Variants in MPPED2 observed in about 807,000 individuals in gnomAD.
MPPED2 encodes metallophosphoesterase domain containing 2.
In MPPED2, 5 loss-of-function variants were observed where a neutral mutation model predicts 33.0. That is an observed-to-expected ratio of 0.15 (90% confidence interval 0.08 to 0.32). The LOEUF (loss-of-function observed/expected upper bound fraction) is 0.32, where lower values mean the gene tolerates loss of function less well. Among genes scored for constraint, MPPED2 ranks in the 10% least tolerant of loss-of-function variants. The probability of loss-of-function intolerance (pLI) is 1.00; values close to 1 mark genes in which losing one functional copy is unlikely to be tolerated. For missense variants in MPPED2, 275 were observed against 372.1 expected (o/e 0.74, Z 2.15); for synonymous variants, 136 against 141.9 (o/e 0.96, Z 0.29).
exon 7 of MPPED2, chr11:30,385,738 A>G (rs1590143846): frequency 6.6e-6 from 1 of 152,040 alleles, no homozygotes; most frequent in Admixed American, 6.5e-5. Context: ...AAAGCTCTGT[A>G]CCTGCTATAT....
chr11:30,473,290 C>A (rs1951031378), intron 4 of MPPED2, among the ~76,000 whole-genome samples: 1 of 152,168 alleles, frequency 6.6e-6, no homozygotes, highest in Non-Finnish European at 1.5e-5. Context: ...TTCTGTACCT[C>A]ACAATCAAAC....
At chr11:30,486,733 C>A (rs1951759477) in intron 4 of MPPED2, among the ~76,000 whole-genome samples, 1 of 152,146 alleles carries the variant, frequency 6.6e-6, no homozygotes, top group African/African-American at 2.4e-5. Flanking sequence ...CGATGCTCAC[C>A]TGAAGAGATG....
chr11:30,401,836 T>C (rs808156), intron 6 of MPPED2, among the ~76,000 whole-genome samples: 32,070 of 139,292 alleles, frequency 0.23, 5,386 homozygotes, highest in Non-Finnish European at 0.34. Context: ...AGGCACCCGC[T>C]ACCATGGCCA....
intron 3 of MPPED2, among the ~76,000 whole-genome samples, chr11:30,498,529 CAA>C (rs1447323439): frequency 7.2e-6 from 1 of 138,620 alleles, no homozygotes; most frequent in Non-Finnish European, 1.5e-5. Context: ...GCCTGGGTGA[CAA>C]GAGCAAAACT....
intron 6 of MPPED2, among the ~76,000 whole-genome samples, chr11:30,391,160 A>C (rs1446047460): frequency 6.6e-6 from 1 of 152,202 alleles, no homozygotes; most frequent in African/African-American, 2.4e-5. Flanking sequence ...CAAAGAAGCT[A>C]GGGAATTGAT....
intron 3 of MPPED2, among the ~76,000 whole-genome samples, chr11:30,532,402 C>G (rs751228510): frequency 1.3e-5 from 2 of 152,156 alleles, no homozygotes; most frequent in Non-Finnish European, 2.9e-5. Flanking sequence ...CATTTTGGTG[C>G]TCCCTCTTTA....
At chr11:30,394,184 T>C (rs930040573) in intron 6 of MPPED2, among the ~76,000 whole-genome samples, 1 of 152,212 alleles carries the variant, frequency 6.6e-6, no homozygotes, top group South Asian at 2.1e-4. Flanking sequence ...CTGAAGGATA[T>C]TTGGATTGTT....
At chr11:30,399,415 G>C (rs972511771) in intron 6 of MPPED2, among the ~76,000 whole-genome samples, 3 of 152,110 alleles carry the variant, frequency 2.0e-5, no homozygotes, top group African/African-American at 7.2e-5. Flanking sequence ...CAGAGAAATG[G>C]AATTCTTGAT....
chr11:30,464,560 G>A (rs1183245348), intron 4 of MPPED2, among the ~76,000 whole-genome samples: 1 of 152,034 alleles, frequency 6.6e-6, no homozygotes, highest in Non-Finnish European at 1.5e-5. Context: ...TCTTCAAACT[G>A]GCTGTTTTCT....
chr11:30,443,256 A>G (rs1304854478), intron 4 of MPPED2, among the ~76,000 whole-genome samples: 1 of 152,214 alleles, frequency 6.6e-6, no homozygotes, highest in Non-Finnish European at 1.5e-5. Flanking sequence ...ACTGAGGCTT[A>G]CTGCTTGCTC....
At chr11:30,527,193 G>A (rs1209532068) in intron 3 of MPPED2, among the ~76,000 whole-genome samples, 1 of 152,010 alleles carries the variant, frequency 6.6e-6, no homozygotes, top group African/African-American at 2.4e-5. Flanking sequence ...GCCTCCCAAA[G>A]TGCTGGGATT....
At chr11:30,512,263 T>C (rs1479174101) in intron 3 of MPPED2, among the ~76,000 whole-genome samples, 2 of 152,076 alleles carry the variant, frequency 1.3e-5, no homozygotes, top group Non-Finnish European at 2.9e-5. Context: ...TGACTTTCCA[T>C]ATCTTGTTCA....
chr11:30,397,059 T>G (rs2133702804), intron 6 of MPPED2, among the ~76,000 whole-genome samples: 1 of 152,286 alleles, frequency 6.6e-6, no homozygotes, highest in Admixed American at 6.5e-5. Flanking sequence ...TAATTCAGTT[T>G]TAGTGCTTTG....
chr11:30,432,355 C>T (rs990760115), intron 4 of MPPED2, among the ~76,000 whole-genome samples: 2 of 152,136 alleles, frequency 1.3e-5, no homozygotes, highest in Non-Finnish European at 2.9e-5. Context: ...AGCAACTTTG[C>T]ATGAAAACAG....
At chr11:30,550,526 A>G (rs1428776640) in intron 2 of MPPED2, among the ~76,000 whole-genome samples, 1 of 152,144 alleles carries the variant, frequency 6.6e-6, no homozygotes, top group Non-Finnish European at 1.5e-5. Context: ...ACTGGTGGCA[A>G]TTTAGGAAGC....
At chr11:30,502,017 T>C (rs1952591051) in intron 3 of MPPED2, among the ~76,000 whole-genome samples, 1 of 152,180 alleles carries the variant, frequency 6.6e-6, no homozygotes, top group African/African-American at 2.4e-5. Context: ...ATGCTTTCCT[T>C]GATTTTACCA....
chr11:30,478,332 T>C (rs1698670071), intron 4 of MPPED2, among the ~76,000 whole-genome samples: 1 of 152,038 alleles, frequency 6.6e-6, no homozygotes, highest in African/African-American at 2.4e-5. Context: ...TGTTTAGATG[T>C]GTGTATTATA....
At chr11:30,497,077 G>A (rs1157014663) in intron 3 of MPPED2, among the ~76,000 whole-genome samples, 2 of 152,188 alleles carry the variant, frequency 1.3e-5, no homozygotes, top group African/African-American at 4.8e-5. Flanking sequence ...CCACAGTGCT[G>A]TATGTCACGT....
intron 4 of MPPED2, among the ~76,000 whole-genome samples, chr11:30,440,065 C>T (rs1325502613): frequency 6.6e-6 from 1 of 152,178 alleles, no homozygotes; most frequent in Non-Finnish European, 1.5e-5. Context: ...TATGGTGGCT[C>T]ACACCTATAA....
Sources: allele counts gnomAD v4.1 joint callset (sites outside exome capture counted in the v4.1 genomes callset), GRCh38; gene constraint gnomAD v4.1.1; transcripts MANE v1.5; gene names NCBI Gene and HGNC (gene_info 2026-07-23, HGNC 2026-07-21).